RIBC2: variants seen among roughly 807,000 people sequenced by gnomAD.
RIBC2 encodes the protein RIB43A domain with coiled-coils 2, also known as RIB43A-like with coiled-coils protein 2.
Under a neutral mutation model 44.3 loss-of-function variants are expected in RIBC2, and 40 were observed. That is an observed-to-expected ratio of 0.90 (90% CI 0.70 to 1.18). The LOEUF (loss-of-function observed/expected upper bound fraction) is 1.18, where lower values mean the gene tolerates loss of function less well. Among genes scored for constraint, RIBC2 ranks in the 50% most tolerant of loss-of-function variants. RIBC2 has a pLI of 0.00. For synonymous variants in RIBC2, 171 were observed against 175.0 expected, an observed-to-expected ratio of 0.98 and a Z score of 0.18; for missense variants, 459 against 485.5, an observed-to-expected ratio of 0.95 and a Z score of 0.51.
In RIBC2 at chr22:45,417,749, C is replaced by G. The variant is rs147034880; in HGVS notation, c.359C>G (p.Pro120Arg). ...ETRREFDLSDPLALKKDLPAR... is the reference protein window; with the variant it reads ...ETRREFDLSDRLALKKDLPAR... ...CGCCGTGAATTTGATCTGTCCGACC[C>G]CCTAGCCCTTAAGAAAGATCTTCCA... Residue 120 changes from proline (P) to arginine (R), a missense_variant, in exon 3 of 7, where the codon CCC (proline) becomes CGC (arginine). By Grantham distance (103) the Pro-to-Arg change is moderately radical. Coordinates refer to ENST00000614167, the MANE Select transcript of RIBC2 (RefSeq NM_015653.5). The G allele has an allele frequency of 1.2e-6, 2 of 1,613,988 alleles. No homozygotes were observed. The highest frequency in any genetic ancestry group is 1.3e-5 in the African/African-American group (1 of 74,886).
At chr22:45,424,173 T>G (rs1277410341) in intron 4 of RIBC2, among the ~76,000 whole-genome samples, 1 of 152,212 alleles carries the variant, frequency 6.6e-6, no homozygotes, top group African/African-American at 2.4e-5. Flanking sequence ...ACTCCTGCAC[T>G]GGGAAAAGCC....
chr22:45,424,365 G>A (rs1006020767), intron 4 of RIBC2, among the ~76,000 whole-genome samples: 6 of 136,744 alleles, frequency 4.4e-5, no homozygotes, highest in African/African-American at 9.2e-5. Context: ...GGTGTGGCAC[G>A]CAGGCTCTGG....
At position 45,413,693 on chromosome 22, in the gene RIBC2, G is replaced by C. The variant is rs1184579188; in HGVS notation, c.-194G>C. 8.5e-7 allele frequency: 1 copy of C among 1,180,008 alleles called. No individual in the cohort carries two copies. The highest frequency in any genetic ancestry group is 1.2e-6 in the Non-Finnish European group (1 of 830,150). The allele number at this position is 1,180,008 out of a possible 1,614,324, so 73.1% of individuals were successfully genotyped here. A position where few individuals can be genotyped will look rare whatever the true frequency, so the allele number is the denominator to read the frequency against. ...GCGCGGAGCCGTTCCTTAGCAACGA[G>C]TTGTTGACATTTCCGAGAGAGCGGG... On this transcript the variant is annotated 5_prime_UTR_variant, in exon 1 of 7. Coordinates refer to ENST00000614167, the MANE Select transcript of RIBC2 (RefSeq NM_015653.5).
At chr22:45,423,722 G>A (rs1283546936) in intron 4 of RIBC2, among the ~76,000 whole-genome samples, 1 of 152,106 alleles carries the variant, frequency 6.6e-6, no homozygotes, top group African/African-American at 2.4e-5. Flanking sequence ...AGGACCAAAA[G>A]GCAAAGCAAG....
chr22:45,422,332 C>T lies in RIBC2; in HGVS notation c.599C>T (p.Ala200Val). The change falls in exon 4 of 7, where the codon GCC (alanine) becomes GTC (valine). Residue 200 changes from alanine to valine, a missense_variant. Ala to Val is a moderately conservative substitution (Grantham distance 64, BLOSUM62 0). Transcript: ENST00000614167. ...ACAAGGCTGCAGTTTGACGAGACAGCCAAGCACCTCCAGAAGCTGGAAAGC... is the reference window on the plus strand; with the variant it reads ...ACAAGGCTGCAGTTTGACGAGACAGTCAAGCACCTCCAGAAGCTGGAAAGC... ...TETRLQFDETAKHLQKLESTT... is the reference protein window; with the variant it reads ...TETRLQFDETVKHLQKLESTT... 2 of 1,614,160 alleles carry T rather than the reference C, an allele frequency of 1.2e-6. No individual in the cohort carries two copies. Among genetic ancestry groups the T allele is most frequent in the Non-Finnish European group, 1.7e-6 (2 of 1,180,022 alleles).
At chr22:45,421,605 T>C (rs889269997) in intron 3 of RIBC2, among the ~76,000 whole-genome samples, 6 of 143,956 alleles carry the variant, frequency 4.2e-5, no homozygotes, top group African/African-American at 1.6e-4. Context: ...GTATTATTAA[T>C]AATAATAATG....
At position 45,413,963 on chromosome 22, in the gene RIBC2, C is replaced by T; in HGVS notation, c.77C>T (p.Ala26Val). The change falls in exon 1 of 7, where the codon GCG becomes GTG. Residue 26 changes from alanine to valine, a missense_variant. Transcript: ENST00000614167. ...QDANLAKRRH[A>V]ELCRQKRVFN... ...GCCAACCTGGCAAAGAGGAGGCACG[C>T]GGAGCTGTGCAGGCAGAAGCGGGTC... The T allele has an allele frequency of 6.4e-7, 1 of 1,551,618 alleles. No homozygotes were observed.
Position 45,422,414 on chromosome 22 carries a change from GGTACTCC to G in RIBC2, c.675+8_675+14del, listed in dbSNP as rs2087494827. On this transcript the variant is annotated splice_region_variant and intron_variant, in intron 4 of 6. Coordinates refer to ENST00000614167, the MANE Select transcript of RIBC2 (RefSeq NM_015653.5). Reference sequence around the variant, plus strand: ...AAGACTTCAACAAGAGCCAGGTATAGGTACTCCGCGACCTCGGGCTCGACGACTGGAG... The same window carrying G: ...AAGACTTCAACAAGAGCCAGGTATAGGCGACCTCGGGCTCGACGACTGGAG... The G allele has an allele frequency of 6.2e-7, 1 of 1,600,634 alleles. No homozygotes were observed. The highest frequency in any genetic ancestry group is 8.6e-7 in the Non-Finnish European group (1 of 1,167,784).
chr22:45,417,117 T>A (rs557863760), intron 2 of RIBC2, among the ~76,000 whole-genome samples: 1 of 151,190 alleles, frequency 6.6e-6, no homozygotes, highest in Admixed American at 6.6e-5. Context: ...GTCAGGCTGG[T>A]CTTATACTCC....
chr22:45,414,094 T>A, intron 1 of RIBC2, 79 bp downstream of exon 1: 3 of 1,376,096 alleles, frequency 2.2e-6, no homozygotes, highest in African/African-American at 1.4e-5. Context: ...AGGAGATGAG[T>A]TCTAGGATGA....
intron 6 of RIBC2, among the ~76,000 whole-genome samples, chr22:45,431,387 G>A (rs1298339215): frequency 6.6e-6 from 1 of 152,170 alleles, no homozygotes; most frequent in Non-Finnish European, 1.5e-5. Flanking sequence ...TGCCTATTCA[G>A]GGACGGCTTT....
chr22:45,413,840 G>T lies in RIBC2; in HGVS notation c.-47G>T, dbSNP rs147201246. The stretch of plus-strand genomic sequence containing the variant: ...GCGCTACAGCTTCCTTATTTTCGTC[G>T]CCTGTTCTCCTGATCCTGCGTGTTC... On this transcript the variant is annotated 5_prime_UTR_variant, in exon 1 of 7. Transcript: ENST00000614167. 1,075 of 1,503,990 alleles carry T rather than the reference G, an allele frequency of 7.1e-4. 4 individuals carry two copies. The African/African-American group carries it at 0.014, about 19-fold the overall frequency. 93.2% of individuals were successfully genotyped at this position (1,503,990 alleles called of 1,614,324 possible). A position where few individuals can be genotyped will look rare whatever the true frequency, so the allele number is the denominator to read the frequency against.
At chr22:45,422,480 C>T (rs1053486288) in intron 4 of RIBC2, 72 bp downstream of exon 4, 3 of 1,090,022 alleles carry the variant, frequency 2.8e-6, no homozygotes, top group African/African-American at 1.5e-5. Context: ...TCCCAAGGCT[C>T]TCCGGCTTCC....
chr22:45,425,637 C>T (rs376970403), intron 4 of RIBC2, among the ~76,000 whole-genome samples: 2 of 152,356 alleles, frequency 1.3e-5, no homozygotes, highest in East Asian at 1.9e-4. Flanking sequence ...ACCAGGCCCA[C>T]GCGGGGTGTC....
intron 4 of RIBC2, among the ~76,000 whole-genome samples, chr22:45,424,280 A>C (rs1602117995): frequency 6.6e-6 from 1 of 152,214 alleles, no homozygotes; most frequent in Non-Finnish European, 1.5e-5. Context: ...GTCCAGTTCA[A>C]CAGGAAGGAC....
intron 3 of RIBC2, among the ~76,000 whole-genome samples, chr22:45,421,156 G>A (rs1424304747): frequency 6.6e-6 from 1 of 151,876 alleles, no homozygotes; most frequent in Non-Finnish European, 1.5e-5. Flanking sequence ...TTAGCTGGGC[G>A]TGGTGGTGCG....
chr22:45,414,270 C>T, intron 1 of RIBC2, 52 bp from the exon 2 acceptor site: 2 of 1,519,148 alleles, frequency 1.3e-6, no homozygotes, highest in Non-Finnish European at 1.8e-6. Flanking sequence ...ATTGTTATTA[C>T]TGAATAAAAT....
At chr22:45,429,235 T>G (rs1014829240) in intron 5 of RIBC2, among the ~76,000 whole-genome samples, 3 of 152,140 alleles carry the variant, frequency 2.0e-5, no homozygotes, top group African/African-American at 7.2e-5. Context: ...CAGGGGATTC[T>G]GATGCCTACT....
At chr22:45,425,890 T>C in intron 4 of RIBC2, 58 bp from the exon 5 acceptor site, 4 of 1,440,908 alleles carry the variant, frequency 2.8e-6, no homozygotes, top group African/African-American at 1.4e-5. Flanking sequence ...CTGGCCTGGG[T>C]GTCAGAATGC....
Sources: allele counts gnomAD v4.1 joint callset (sites outside exome capture counted in the v4.1 genomes callset), GRCh38; gene constraint gnomAD v4.1.1; transcripts MANE v1.5; gene names NCBI Gene and HGNC (gene_info 2026-07-23, HGNC 2026-07-21).